FAAH2: variants seen among roughly 807,000 people sequenced by gnomAD.
FAAH2 encodes the protein fatty-acid amide hydrolase 2.
Under a neutral mutation model 36.9 loss-of-function variants are expected in FAAH2, and 60 were observed. The ratio of observed to expected loss-of-function variants is 1.63; its 90% CI spans 1.32 to 2.02. FAAH2 has a LOEUF of 2.02. FAAH2 is among the 30% of genes most tolerant of loss of function. FAAH2 has a pLI of 0.00. For missense variants in FAAH2, 689 were observed against 397.5 expected (o/e 1.73, Z -6.23); for synonymous variants, 214 against 143.8 (o/e 1.49, Z -3.49).
At chrX:57,248,753 C>CAAAA in the FAAH2 span, among the ~76,000 whole-genome samples, 37 of 14,487 alleles carry the variant, frequency 2.6e-3, 2 homozygotes, top group African/African-American at 5.1e-3. Flanking sequence ...AGCTCCGTCT[C>CAAAA]AAAAAAAAAA....
chrX:57,455,232 C>A (rs2056846883), intron 10 of FAAH2, among the ~76,000 whole-genome samples: 1 of 111,207 alleles, frequency 9.0e-6, no homozygotes, highest in Admixed American at 9.6e-5. Flanking sequence ...AAATAAAATT[C>A]TTCCCAGACA....
chrX:57,314,844 A>C (rs770002054), intron 3 of FAAH2, among the ~76,000 whole-genome samples: 57 of 111,842 alleles, frequency 5.1e-4, no homozygotes, highest in African/African-American at 1.8e-3. Context: ...GAAAGATCTC[A>C]AATTAACAAT....
intron 10 of FAAH2, among the ~76,000 whole-genome samples, chrX:57,475,555 T>C (rs1011892438): frequency 1.8e-5 from 2 of 111,733 alleles, no homozygotes; most frequent in Admixed American, 9.6e-5. Context: ...GATCTATATA[T>C]CTGTTTTGAT....
chrX:57,369,770 C>A (rs1005612686), intron 5 of FAAH2, among the ~76,000 whole-genome samples: 1 of 111,493 alleles, frequency 9.0e-6, no homozygotes, highest in Non-Finnish European at 1.9e-5. Flanking sequence ...GAAACTATAA[C>A]TAATAAAGGT....
At chrX:57,265,051 G>A in the FAAH2 span, among the ~76,000 whole-genome samples, 2,784 of 111,630 alleles carry the variant, frequency 0.025, 97 homozygotes, top group African/African-American at 0.085. Flanking sequence ...CAGGGAAGTG[G>A]TGAGTGAACA....
chrX:57,342,077 A>C (rs779849831), intron 5 of FAAH2, among the ~76,000 whole-genome samples: 1 of 111,991 alleles, frequency 8.9e-6, no homozygotes, highest in Non-Finnish European at 1.9e-5. Context: ...AATATTTTGA[A>C]CTTTAGATTA....
At chrX:57,405,556 C>T (rs999723616) in intron 7 of FAAH2, among the ~76,000 whole-genome samples, 8 of 108,133 alleles carry the variant, frequency 7.4e-5, no homozygotes, top group Non-Finnish European at 1.1e-4. Context: ...GGCAAGTCTG[C>T]GATGGCGGCA....
chrX:57,158,133 A>AT, the FAAH2 span, among the ~76,000 whole-genome samples: 15 of 111,503 alleles, frequency 1.3e-4, 1 homozygote, highest in Admixed American at 1.2e-3. Flanking sequence ...TTTGCTGAGA[A>AT]TGATGGTTTC....
intron 10 of FAAH2, among the ~76,000 whole-genome samples, chrX:57,478,341 T>C (rs2057310800): frequency 9.0e-6 from 1 of 111,457 alleles, no homozygotes; most frequent in African/African-American, 3.3e-5. Flanking sequence ...GGGTTGTTTG[T>C]TTTTTTCTTG....
chrX:57,417,196 G>T (rs1439811161), intron 7 of FAAH2, among the ~76,000 whole-genome samples: 3 of 111,723 alleles, frequency 2.7e-5, no homozygotes, highest in Non-Finnish European at 5.6e-5. Context: ...GGAGGAGTTT[G>T]TTATTAACCA....
At chrX:57,440,964 G>T (rs2056539560) in intron 8 of FAAH2, among the ~76,000 whole-genome samples, 1 of 111,563 alleles carries the variant, frequency 9.0e-6, no homozygotes, top group Non-Finnish European at 1.9e-5. Context: ...ACTTGATCCT[G>T]GTGGATAAGC....
chrX:57,346,740 G>A (rs1178677332), intron 5 of FAAH2, among the ~76,000 whole-genome samples: 1 of 111,376 alleles, frequency 9.0e-6, no homozygotes, highest in Non-Finnish European at 1.9e-5. Flanking sequence ...TCTATGTTTG[G>A]CACTCCCTTA....
At chrX:57,468,950 T>C (rs932282300) in intron 10 of FAAH2, among the ~76,000 whole-genome samples, 1 of 111,847 alleles carries the variant, frequency 8.9e-6, no homozygotes, top group Admixed American at 9.5e-5. Context: ...TTTTCAACAT[T>C]CTTAAAGAAA....
intron 9 of FAAH2, among the ~76,000 whole-genome samples, chrX:57,447,698 G>A (rs1234206394): frequency 9.2e-6 from 1 of 108,220 alleles, no homozygotes; most frequent in Admixed American, 1.0e-4. Context: ...CATGATTCTA[G>A]CCATGGCTAG....
intron 7 of FAAH2, among the ~76,000 whole-genome samples, chrX:57,421,387 G>A (rs1160652786): frequency 4.5e-5 from 5 of 111,923 alleles, no homozygotes; most frequent in African/African-American, 1.6e-4. Context: ...AAGAGGTGGC[G>A]GTTGCAGTGA....
the FAAH2 span, among the ~76,000 whole-genome samples, chrX:57,152,987 C>T: frequency 9.1e-6 from 1 of 110,277 alleles, no homozygotes; most frequent in East Asian, 2.8e-4. Context: ...CTATTATCGT[C>T]TTGCTATCTA....
At chrX:57,167,062 G>C in the FAAH2 span, among the ~76,000 whole-genome samples, 1 of 111,669 alleles carries the variant, frequency 9.0e-6, no homozygotes, top group Non-Finnish European at 1.9e-5. Context: ...ATAGATCTCT[G>C]ATGCCACAGC....
At chrX:57,452,101 C>T in intron 10 of FAAH2, 1 of 721,622 alleles carries the variant, frequency 1.4e-6, no homozygotes, top group Non-Finnish European at 1.6e-6. Context: ...AGTGGCCTTT[C>T]ACTGGCTTTC....
chrX:57,416,833 T>C (rs2055858022), intron 7 of FAAH2, among the ~76,000 whole-genome samples: 2 of 112,357 alleles, frequency 1.8e-5, no homozygotes, highest in Non-Finnish European at 3.8e-5. Flanking sequence ...TTCAACTTGG[T>C]TCCATTCTCT....
Sources: allele counts gnomAD v4.1 joint callset (sites outside exome capture counted in the v4.1 genomes callset), GRCh38; gene constraint gnomAD v4.1.1; transcripts MANE v1.5; gene names NCBI Gene and HGNC (gene_info 2026-07-23, HGNC 2026-07-21).